Variants in MDGA2 observed in about 807,000 individuals in gnomAD.
MDGA2 encodes the protein MAM domain containing glycosylphosphatidylinositol anchor 2.
A neutral mutation model predicts 117.8 loss-of-function variants in MDGA2; 40 were observed. The ratio of observed to expected loss-of-function variants is 0.34; its 90% CI spans 0.26 to 0.44. The LOEUF is 0.44. Ranked by LOEUF, MDGA2 falls within the 20% of genes least tolerant of loss-of-function variation. MDGA2 has a pLI of 1.00. For synonymous variants in MDGA2, 452 were observed against 439.0 expected, an observed-to-expected ratio of 1.03 and a Z score of -0.37; for missense variants, 1,123 against 1,250.6, an observed-to-expected ratio of 0.90 and a Z score of 1.54.
intron 3 of MDGA2, among the ~76,000 whole-genome samples, chr14:47,172,201 C>T (rs991441082): frequency 2.6e-5 from 4 of 152,174 alleles, no homozygotes; most frequent in African/African-American, 4.8e-5. Flanking sequence ...CCTCTGTAGG[C>T]CCCGCCTCTG....
chr14:47,613,755 G>A (rs893704132), intron 1 of MDGA2, among the ~76,000 whole-genome samples: 1 of 151,936 alleles, frequency 6.6e-6, no homozygotes, highest in Non-Finnish European at 1.5e-5. Context: ...TTCTTTGCTG[G>A]TAAAAGATTT....
chr14:47,316,823 C>T (rs1458925198), intron 1 of MDGA2, among the ~76,000 whole-genome samples: 2 of 152,052 alleles, frequency 1.3e-5, no homozygotes, highest in African/African-American at 4.8e-5. Context: ...ACTGAAATTT[C>T]AATACCTAAA....
chr14:46,931,242 A>G (rs1884564435), intron 9 of MDGA2, among the ~76,000 whole-genome samples: 1 of 151,506 alleles, frequency 6.6e-6, no homozygotes, highest in Non-Finnish European at 1.5e-5. Flanking sequence ...AAAAACTCAA[A>G]ATCTTTTTAT....
At chr14:47,469,194 T>C (rs1318930062) in intron 1 of MDGA2, among the ~76,000 whole-genome samples, 1 of 152,100 alleles carries the variant, frequency 6.6e-6, no homozygotes, top group East Asian at 1.9e-4. Context: ...TTAGGGTACA[T>C]GTGCACAATG....
intron 4 of MDGA2, among the ~76,000 whole-genome samples, chr14:47,133,709 A>G (rs1882319091): frequency 6.6e-6 from 1 of 151,962 alleles, no homozygotes; most frequent in African/African-American, 2.4e-5. Flanking sequence ...TTGAACTTCA[A>G]ATATATTCCT....
intron 14 of MDGA2, among the ~76,000 whole-genome samples, chr14:46,872,765 T>C (rs932706043): frequency 6.6e-6 from 1 of 151,984 alleles, no homozygotes; most frequent in Non-Finnish European, 1.5e-5. Context: ...GATTTTAGAA[T>C]TGCACATAAA....
chr14:47,560,736 T>C (rs762054705), intron 1 of MDGA2, among the ~76,000 whole-genome samples: 6 of 152,228 alleles, frequency 3.9e-5, no homozygotes, highest in Non-Finnish European at 7.3e-5. Flanking sequence ...CAATTTTTGT[T>C]TTTGTTGAAA....
chr14:47,177,236 A>C (rs1208047048), intron 3 of MDGA2, among the ~76,000 whole-genome samples: 2 of 152,040 alleles, frequency 1.3e-5, no homozygotes, highest in Non-Finnish European at 2.9e-5. Context: ...TGTGGAAGTC[A>C]GTGTGGCGAT....
intron 1 of MDGA2, among the ~76,000 whole-genome samples, chr14:47,483,122 C>A (rs1893988370): frequency 6.6e-6 from 1 of 151,902 alleles, no homozygotes; most frequent in South Asian, 2.1e-4. Context: ...TTTTTTAGAT[C>A]ATGACACTCA....
chr14:47,511,111 TA>T (rs1391439291), intron 1 of MDGA2, among the ~76,000 whole-genome samples: 1 of 152,196 alleles, frequency 6.6e-6, no homozygotes, highest in Non-Finnish European at 1.5e-5. Context: ...AGGCAAAAAC[TA>T]TATTTCATTC....
rs182484258 is a variant in MDGA2 at position 47,289,298 on chromosome 14, T to A, written c.420+12113A>T. 3.6e-3 allele frequency among the ~76,000 whole-genome samples: 328 copies of A among 91,386 alleles called. 2 individuals are homozygous for A. The highest frequency in any genetic ancestry group is 0.012 in the African/African-American group (304 of 24,622). 60.0% of individuals were successfully genotyped at this position (91,386 alleles called of 152,430 possible). On this transcript the variant is annotated intron_variant, in intron 2 of 16. Transcript: ENST00000399232. ...GATATAACAAATAACTCATACTTTC[T>A]GGACTTACACACACACACACACACA...
chr14:47,104,306 C>T (rs1880513368), intron 5 of MDGA2, among the ~76,000 whole-genome samples: 1 of 151,144 alleles, frequency 6.6e-6, no homozygotes, highest in South Asian at 2.1e-4. Context: ...TATGCCTTGC[C>T]CCACCTTAAC....
intron 6 of MDGA2, among the ~76,000 whole-genome samples, chr14:47,087,052 G>T (rs1046927684): frequency 6.6e-6 from 1 of 152,016 alleles, no homozygotes; most frequent in Non-Finnish European, 1.5e-5. Flanking sequence ...TATTTTCCTG[G>T]TTTAATATCC....
intron 8 of MDGA2, among the ~76,000 whole-genome samples, chr14:46,980,805 G>A (rs926507985): frequency 2.0e-5 from 3 of 152,254 alleles, no homozygotes; most frequent in South Asian, 2.1e-4. Flanking sequence ...TTTTAGTTCA[G>A]CTATGTACAC....
At chr14:47,166,482 A>G (rs983344318) in intron 3 of MDGA2, among the ~76,000 whole-genome samples, 4 of 152,236 alleles carry the variant, frequency 2.6e-5, no homozygotes, top group African/African-American at 9.6e-5. Flanking sequence ...CAAAGGAAAC[A>G]TAATTGCATT....
At chr14:46,844,278 T>G (rs1292320421) in intron 16 of MDGA2, among the ~76,000 whole-genome samples, 1 of 152,106 alleles carries the variant, frequency 6.6e-6, no homozygotes, top group Non-Finnish European at 1.5e-5. Context: ...ATGCTGAATC[T>G]GTTAAAATGG....
intron 6 of MDGA2, among the ~76,000 whole-genome samples, chr14:47,087,032 C>T (rs900269080): frequency 1.3e-5 from 2 of 152,142 alleles, no homozygotes; most frequent in African/African-American, 4.8e-5. Context: ...ATTAAAGCAT[C>T]ACTTGCATTT....
chr14:47,038,428 A>AT (rs1162588189), intron 7 of MDGA2, among the ~76,000 whole-genome samples: 1 of 152,102 alleles, frequency 6.6e-6, no homozygotes, highest in East Asian at 1.9e-4. Flanking sequence ...ATTGACTATA[A>AT]TTTTTTTAAA....
At chr14:47,425,929 T>C (rs1892680087) in intron 1 of MDGA2, among the ~76,000 whole-genome samples, 2 of 151,980 alleles carry the variant, frequency 1.3e-5, no homozygotes, top group Admixed American at 6.6e-5. Context: ...TAAGATTTCA[T>C]TGGATTTTTA....
Sources: allele counts gnomAD v4.1 joint callset (sites outside exome capture counted in the v4.1 genomes callset), GRCh38; gene constraint gnomAD v4.1.1; transcripts MANE v1.5; gene names NCBI Gene and HGNC (gene_info 2026-07-23, HGNC 2026-07-21).